Variants in PRPF3 observed in about 807,000 individuals in gnomAD.
PRPF3 encodes the protein U4/U6 small nuclear ribonucleoprotein Prp3.
PRPF3 carries 3 observed loss-of-function variants against 89.2 expected under a neutral mutation model. The ratio of observed to expected loss-of-function variants is 0.03; its 90% CI spans 0.02 to 0.09. PRPF3 has a LOEUF of 0.09. PRPF3 is among the 10% of genes least tolerant of loss of function. The pLI is 1.00. For missense variants in PRPF3, 463 were observed against 828.8 expected, an observed-to-expected ratio of 0.56 and a Z score of 5.42; for synonymous variants, 270 against 289.1, an observed-to-expected ratio of 0.93 and a Z score of 0.67.
chr1:150,349,888 C>CG (rs1553873934), intron 15 of PRPF3, among the ~76,000 whole-genome samples: 1 of 11,306 alleles, frequency 8.8e-5, no homozygotes, highest in South Asian at 9.8e-4. Context: ...TTTTTGGGGG[C>CG]GGGGGGGCGG....
rs1658256032 is a variant in PRPF3 at position 150,346,189 on chromosome 1, G to A, written c.1759+53G>A. The A allele has an allele frequency of 2.7e-6, 4 of 1,487,306 alleles. No individual in the cohort carries two copies. In the African/African-American group the frequency reaches 4.2e-5, roughly 15 times the overall value. The allele number at this position is 1,487,306 out of a possible 1,614,324, so 92.1% of individuals were successfully genotyped here. ...GTCCCCAGACAACCCTAGGCTTAGA[G>A]TGATTAGCATTGTGGGGAGAAAGGA... On this transcript the variant is annotated intron_variant, in intron 13 of 15. Transcript: ENST00000324862.
intron 7 of PRPF3, among the ~76,000 whole-genome samples, 171 bp from the exon 8 acceptor site, chr1:150,337,989 G>A (rs191571475): frequency 2.0e-5 from 3 of 151,220 alleles, no homozygotes; most frequent in East Asian, 1.9e-4. Flanking sequence ...CAGGAGAATC[G>A]CTTAAACCTG....
Position 150,332,743 on chromosome 1 carries a change from C to T in PRPF3, c.483C>T (p.Ser161=). The change falls in exon 5 of 16, where the codon AGC becomes AGT. Residue 161 remains serine, a synonymous_variant. Transcript: ENST00000324862. ...TCGAGGAGAGGAAAAAACAGCTGAG[C>T]TTCATTAGCCCCCCTACACCTCAGG... The part of the protein sequence containing the change: ...RQIEERKKQL[S]FISPPTPQPK... The T allele has an allele frequency of 1.2e-6, 2 of 1,614,114 alleles. No individual in the cohort carries two copies. The highest frequency in any genetic ancestry group is 1.7e-6 in the Non-Finnish European group (2 of 1,180,014).
intron 3 of PRPF3, chr1:150,328,019 CA>C (rs1336203656): frequency 2.6e-6 from 1 of 378,882 alleles, no homozygotes. Flanking sequence ...GGATTTGGAA[CA>C]GGGGTTGTGG....
chr1:150,333,032 T>G lies in PRPF3; in HGVS notation c.561T>G (p.Ile187Met). The G allele has an allele frequency of 1.2e-6, 2 of 1,614,092 alleles. No individual in the cohort carries two copies. The highest frequency in any genetic ancestry group is 1.7e-6 in the Non-Finnish European group (2 of 1,180,032). ...QPERLPIGNT[I>M]QPSQAATFMN... The stretch of plus-strand genomic sequence containing the variant: ...AACGACTTCCTATTGGCAACACTAT[T>G]CAGCCCTCCCAGGCTGCCACTTTCA... Residue 187 changes from isoleucine (I) to methionine (M), a missense_variant, in exon 6 of 16, where the codon ATT becomes ATG. Ile to Met is a conservative substitution (Grantham distance 10, BLOSUM62 1). This residue lies in a region of PRPF3 where 38 missense variants were observed against 48.3 expected (regional missense o/e 0.79). Coordinates refer to ENST00000324862, the MANE Select transcript of PRPF3 (RefSeq NM_004698.4).
chr1:150,349,115 C>G, intron 14 of PRPF3, 42 bp from the exon 15 acceptor site: 1 of 1,502,836 alleles, frequency 6.7e-7, no homozygotes, highest in African/African-American at 1.4e-5. Flanking sequence ...TGTTTAGAAC[C>G]TGAATCTCAA....
chr1:150,332,929 G>A (rs782060996), intron 5 of PRPF3, 50 bp from the exon 6 acceptor site: 3 of 1,560,216 alleles, frequency 1.9e-6, no homozygotes, highest in Non-Finnish European at 2.7e-6. Context: ...ATGTATGTGT[G>A]TTTGTCTGCC....
chr1:150,352,749 A>G (rs1572300084), intron 15 of PRPF3, 84 bp from the exon 16 acceptor site: 1 of 1,463,842 alleles, frequency 6.8e-7, no homozygotes, highest in Non-Finnish European at 9.5e-7. Context: ...ATGTCTCACA[A>G]ATGTTACTAG....
intron 7 of PRPF3, 106 bp from the exon 8 acceptor site, chr1:150,338,054 A>G (rs1657243648): frequency 8.0e-7 from 1 of 1,246,480 alleles, no homozygotes. Flanking sequence ...AGCCTGGGCA[A>G]GAAGAACGAA....
rs1553873583 is a variant in PRPF3 at position 150,348,459 on chromosome 1, C to CTTTTTTTTTTTTTTTTTTTTTTT, written c.1844-698_1844-697insTTTTTTTTTTTTTTTTTTTTTTT. Among the ~76,000 whole-genome samples the CTTTTTTTTTTTTTTTTTTTTTTT allele has an allele frequency of 1.6e-3, 54 of 34,828 alleles. 4 individuals are homozygous for CTTTTTTTTTTTTTTTTTTTTTTT. Among genetic ancestry groups the CTTTTTTTTTTTTTTTTTTTTTTT allele is most frequent in the Middle Eastern group, 0.013 (1 of 76 alleles). 22.8% of individuals were successfully genotyped at this position (34,828 alleles called of 152,430 possible). A position where few individuals can be genotyped will look rare whatever the true frequency, so the allele number is the denominator to read the frequency against. ...TAAAAAATATTTTGTTCTACACGTGCATTTTTTTTTTTTTTTTTTTGAGAT... is the reference window on the plus strand; with the variant it reads ...TAAAAAATATTTTGTTCTACACGTGCTTTTTTTTTTTTTTTTTTTTTTTATTTTTTTTTTTTTTTTTTTGAGAT... On this transcript the variant is annotated intron_variant, in intron 14 of 15. Coordinates refer to ENST00000324862, the MANE Select transcript of PRPF3 (RefSeq NM_004698.4).
chr1:150,344,529 T>C lies in PRPF3; in HGVS notation c.1622T>C (p.Val541Ala), dbSNP rs1553872384. The change falls in exon 12 of 16, where the codon GTA (valine) becomes GCA (alanine). Residue 541 changes from valine (V) to alanine (A), a missense_variant. Val to Ala is a moderately conservative substitution (Grantham distance 64, BLOSUM62 0). Transcript: ENST00000324862. ...CTTAAAGAAGACATTTCACAGGGGGTACACATATCTGTATATAGGTAGGTG... is the reference window on the plus strand; with the variant it reads ...CTTAAAGAAGACATTTCACAGGGGGCACACATATCTGTATATAGGTAGGTG... ...KKLKEDISQG[V>A]HISVYRVRNL... The C allele has an allele frequency of 6.2e-7, 1 of 1,613,850 alleles. No individual in the cohort carries two copies. The highest frequency in any genetic ancestry group is 8.5e-7 in the Non-Finnish European group (1 of 1,179,988).
chr1:150,323,802 A>C (rs1572181145), intron 1 of PRPF3, among the ~76,000 whole-genome samples: 1 of 112,440 alleles, frequency 8.9e-6, no homozygotes, highest in African/African-American at 3.5e-5. Flanking sequence ...TTTGAGACGG[A>C]GTCTTACTCT....
intron 15 of PRPF3, among the ~76,000 whole-genome samples, chr1:150,350,961 A>T (rs1299897004): frequency 1.4e-5 from 2 of 143,784 alleles, no homozygotes; most frequent in East Asian, 2.0e-4. Flanking sequence ...ACCCTGTCTT[A>T]AAAAAAAAAA....
intron 4 of PRPF3, among the ~76,000 whole-genome samples, chr1:150,331,054 C>T (rs1656314948): frequency 1.3e-5 from 2 of 151,726 alleles, no homozygotes; most frequent in East Asian, 3.9e-4. Flanking sequence ...TTTTTTGAGA[C>T]GGAGTCTCGC....
intron 14 of PRPF3, among the ~76,000 whole-genome samples, chr1:150,347,083 C>A (rs1273327595): frequency 1.3e-5 from 2 of 151,488 alleles, no homozygotes; most frequent in African/African-American, 2.4e-5. Flanking sequence ...CAGAATGAGA[C>A]CCTGTCTCAA....
chr1:150,348,460 A>ATTTTTTTTTTTTTTTTTGTTTTT (rs1658535955), intron 14 of PRPF3, among the ~76,000 whole-genome samples: 1 of 48,464 alleles, frequency 2.1e-5, no homozygotes, highest in Admixed American at 3.5e-4. Context: ...CTACACGTGC[A>ATTTTTTTTTTTTTTTTTGTTTTT]TTTTTTTTTT....
At chr1:150,343,522 T>A in intron 10 of PRPF3, 70 bp downstream of exon 10, 1 of 1,564,884 alleles carries the variant, frequency 6.4e-7, no homozygotes, top group African/African-American at 1.4e-5. Context: ...GGAGGAACTT[T>A]AACATCTCTG....
At chr1:150,331,598 C>T (rs1656403325) in intron 4 of PRPF3, among the ~76,000 whole-genome samples, 2 of 151,948 alleles carry the variant, frequency 1.3e-5, no homozygotes, top group Admixed American at 1.3e-4. Context: ...CTCCTGACCT[C>T]AAGTGATTCG....
chr1:150,325,662 A>G lies in PRPF3; in HGVS notation c.146-89A>G, dbSNP rs1553863535. On this transcript the variant is annotated intron_variant, in intron 2 of 15. Coordinates refer to ENST00000324862, the MANE Select transcript of PRPF3 (RefSeq NM_004698.4). ...AAAATTTGTTTCACTCCTGGGAATA[A>G]AATTCCAGTGTTGGTACCTGTTATA... 7.2e-6 allele frequency: 11 copies of G among 1,527,688 alleles called. 1 individual carries two copies. In the Middle Eastern group the frequency reaches 9.1e-4, roughly 127 times the overall value. The allele number at this position is 1,527,688 out of a possible 1,614,324, so 94.6% of individuals were successfully genotyped here. A position where few individuals can be genotyped will look rare whatever the true frequency, so the allele number is the denominator to read the frequency against.
Sources: gnomAD v4.1 joint callset for allele counts (sites outside exome capture counted in the v4.1 genomes callset) on GRCh38, gnomAD v4.1.1 for gene constraint, gnomAD v4.1.1 regional missense constraint, MANE v1.5 for transcripts, NCBI Gene and HGNC (gene_info 2026-07-23, HGNC 2026-07-21) for gene names.